PPM1H: variants seen among roughly 807,000 people sequenced by gnomAD.
The protein encoded by PPM1H is protein phosphatase 1H.
PPM1H carries 27 observed loss-of-function variants against 54.9 expected under a neutral mutation model. The observed-to-expected ratio is 0.49, with a 90% CI of 0.36 to 0.68. The LOEUF is 0.68. PPM1H is among the 30% of genes least tolerant of loss of function. The pLI is 0.00. For missense variants in PPM1H, 596 were observed against 667.8 expected, an observed-to-expected ratio of 0.89 and a Z score of 1.19; for synonymous variants, 305 against 270.8, an observed-to-expected ratio of 1.13 and a Z score of -1.24.
At chr12:62,917,006 T>C (rs1871646781) in intron 1 of PPM1H, among the ~76,000 whole-genome samples, 1 of 151,898 alleles carries the variant, frequency 6.6e-6, no homozygotes, top group African/African-American at 2.4e-5. Context: ...ATTCTGAACA[T>C]TATGAAAATG....
chr12:62,930,381 T>C (rs1872095655), intron 1 of PPM1H, among the ~76,000 whole-genome samples: 1 of 152,192 alleles, frequency 6.6e-6, no homozygotes, highest in Non-Finnish European at 1.5e-5. Flanking sequence ...CGAAGTAAAA[T>C]TAGCTATACT....
At chr12:62,909,042 G>A (rs771985) in intron 1 of PPM1H, among the ~76,000 whole-genome samples, 8 of 151,644 alleles carry the variant, frequency 5.3e-5, no homozygotes, top group African/African-American at 1.9e-4. Context: ...GGCTTCTTAA[G>A]TATTAGAAAA....
chr12:62,723,772 A>G (rs1175546534), intron 5 of PPM1H, among the ~76,000 whole-genome samples: 1 of 152,182 alleles, frequency 6.6e-6, no homozygotes, highest in Non-Finnish European at 1.5e-5. Context: ...TGGCATGCAT[A>G]TATATTATTA....
intron 1 of PPM1H, among the ~76,000 whole-genome samples, chr12:62,848,722 C>T (rs1323141453): frequency 6.6e-6 from 1 of 152,220 alleles, no homozygotes; most frequent in African/African-American, 2.4e-5. Flanking sequence ...ACCTCAGCCT[C>T]ATTCCACTGA....
intron 9 of PPM1H, among the ~76,000 whole-genome samples, chr12:62,662,258 G>A (rs994490764): frequency 6.6e-6 from 1 of 152,292 alleles, no homozygotes; most frequent in East Asian, 1.9e-4. Flanking sequence ...GCTTTGCAAA[G>A]CTTTATAAAA....
intron 8 of PPM1H, among the ~76,000 whole-genome samples, chr12:62,681,001 C>T (rs909449056): frequency 2.0e-5 from 3 of 152,124 alleles, no homozygotes; most frequent in African/African-American, 4.8e-5. Flanking sequence ...GGAAGACCCT[C>T]CCGCTCTGGG....
chr12:62,797,668 A>C (rs543154271), intron 3 of PPM1H, among the ~76,000 whole-genome samples: 198 of 152,198 alleles, frequency 1.3e-3, no homozygotes, highest in Non-Finnish European at 2.3e-3. Flanking sequence ...TGAGAGGGGG[A>C]GGAAAGAAAA....
At chr12:62,786,911 A>T (rs570942102) in intron 4 of PPM1H, among the ~76,000 whole-genome samples, 2 of 152,370 alleles carry the variant, frequency 1.3e-5, no homozygotes, top group East Asian at 3.9e-4. Flanking sequence ...CATGTAATAC[A>T]CGTTAGAATA....
At chr12:62,759,989 G>T (rs552751356) in intron 4 of PPM1H, among the ~76,000 whole-genome samples, 1 of 152,058 alleles carries the variant, frequency 6.6e-6, no homozygotes, top group South Asian at 2.1e-4. Context: ...CCTTCACTAT[G>T]GGCAACCTTC....
At chr12:62,835,759 C>T (rs1296492177) in intron 1 of PPM1H, among the ~76,000 whole-genome samples, 1 of 152,038 alleles carries the variant, frequency 6.6e-6, no homozygotes, top group Non-Finnish European at 1.5e-5. Context: ...CTCTTATCCC[C>T]TATTTTATAT....
intron 1 of PPM1H, among the ~76,000 whole-genome samples, chr12:62,876,062 G>C (rs1870157155): frequency 6.6e-6 from 1 of 152,204 alleles, no homozygotes; most frequent in Admixed American, 6.5e-5. Context: ...TAACACAGAA[G>C]GCAAGATTCT....
intron 4 of PPM1H, among the ~76,000 whole-genome samples, chr12:62,767,420 C>G (rs1200550796): frequency 6.6e-6 from 1 of 152,154 alleles, no homozygotes; most frequent in Non-Finnish European, 1.5e-5. Context: ...CTGCCTTTAA[C>G]CTCTCTGTAA....
chr12:62,751,287 C>T (rs533271575), intron 4 of PPM1H, among the ~76,000 whole-genome samples: 5 of 152,190 alleles, frequency 3.3e-5, no homozygotes, highest in South Asian at 2.1e-4. Flanking sequence ...AGCAATGTGA[C>T]GGAACAACTG....
intron 1 of PPM1H, among the ~76,000 whole-genome samples, chr12:62,859,220 T>C (rs990500327): frequency 3.9e-5 from 6 of 152,192 alleles, no homozygotes; most frequent in Admixed American, 6.5e-5. Context: ...CGATCTTCAA[T>C]TCTAGTTCCT....
In PPM1H at chr12:62,749,705, C is replaced by T. The variant is rs77948767; in HGVS notation, c.870-12119G>A. ...AAACTACTAAATAAGTCTGCAAATACGATGATTCATTTAACAAGACCCCAA... is the reference window on the plus strand; with the variant it reads ...AAACTACTAAATAAGTCTGCAAATATGATGATTCATTTAACAAGACCCCAA... On this transcript the variant is annotated intron_variant, in intron 4 of 9. Transcript: ENST00000228705. Among the ~76,000 whole-genome samples the T allele has an allele frequency of 3.1e-4, 47 of 152,226 alleles. No individual in the cohort carries two copies. In the East Asian group the frequency reaches 8.9e-3, roughly 29 times the overall value.
intron 4 of PPM1H, among the ~76,000 whole-genome samples, chr12:62,769,919 T>C (rs1050459628): frequency 6.6e-6 from 1 of 152,168 alleles, no homozygotes; most frequent in Non-Finnish European, 1.5e-5. Flanking sequence ...GGTTGGGGAA[T>C]AGTCGATTAT....
At chr12:62,675,874 A>G (rs916670414) in intron 8 of PPM1H, among the ~76,000 whole-genome samples, 1 of 152,204 alleles carries the variant, frequency 6.6e-6, no homozygotes, top group African/African-American at 2.4e-5. Flanking sequence ...TACAATCACC[A>G]TGGGTAAACT....
At chr12:62,842,527 C>T (rs1320994661) in intron 1 of PPM1H, among the ~76,000 whole-genome samples, 1 of 152,146 alleles carries the variant, frequency 6.6e-6, no homozygotes, top group Non-Finnish European at 1.5e-5. Context: ...ATTGACAGGT[C>T]CTCAAAAATC....
intron 4 of PPM1H, among the ~76,000 whole-genome samples, chr12:62,771,295 GACACACACACACACACACAC>G (rs4026219): frequency 2.3e-5 from 3 of 131,874 alleles, no homozygotes; most frequent in Non-Finnish European, 3.3e-5. Context: ...ACTTTGTGAA[GACACACACACACACACACAC>G]ACACACACAC....
Sources: allele counts gnomAD v4.1 joint callset (sites outside exome capture counted in the v4.1 genomes callset), GRCh38; gene constraint gnomAD v4.1.1; transcripts MANE v1.5; gene names NCBI Gene and HGNC (gene_info 2026-07-23, HGNC 2026-07-21).